Variants in ADAMTS12 observed in about 807,000 individuals in gnomAD.
ADAMTS12 encodes the protein ADAM metallopeptidase with thrombospondin type 1 motif 12.
Under a neutral mutation model 167.8 loss-of-function variants are expected in ADAMTS12, and 118 were observed. That is an observed-to-expected ratio of 0.70 (90% CI 0.61 to 0.82). The LOEUF (loss-of-function observed/expected upper bound fraction) is 0.82, where lower values mean the gene tolerates loss of function less well. Among genes scored for constraint, ADAMTS12 ranks in the 40% least tolerant of loss-of-function variants. The probability of loss-of-function intolerance (pLI) is 0.00; values close to 1 mark genes in which losing one functional copy is unlikely to be tolerated. For missense variants in ADAMTS12, 1,916 were observed against 1,998.8 expected (o/e 0.96, Z 0.79); for synonymous variants, 704 against 716.9 (o/e 0.98, Z 0.29).
At chr5:33,760,006 C>T (rs748250771) in intron 2 of ADAMTS12, among the ~76,000 whole-genome samples, 7 of 152,136 alleles carry the variant, frequency 4.6e-5, no homozygotes, top group African/African-American at 9.7e-5. Flanking sequence ...GTTAAAAATG[C>T]GTATGCCCAG....
At chr5:33,704,121 T>C (rs1743102059) in intron 3 of ADAMTS12, among the ~76,000 whole-genome samples, 1 of 152,234 alleles carries the variant, frequency 6.6e-6, no homozygotes, top group South Asian at 2.1e-4. Context: ...GAATGAGTTG[T>C]TGTTTGATCC....
chr5:33,879,122 TTAAAGCC>T (rs1306085457), intron 2 of ADAMTS12, among the ~76,000 whole-genome samples: 6 of 152,114 alleles, frequency 3.9e-5, no homozygotes, highest in Non-Finnish European at 7.4e-5. Flanking sequence ...CTGAACACAT[TTAAAGCC>T]ATTTAGCTGT....
At chr5:33,819,718 T>G (rs1269427778) in intron 2 of ADAMTS12, among the ~76,000 whole-genome samples, 1 of 152,136 alleles carries the variant, frequency 6.6e-6, no homozygotes, top group Non-Finnish European at 1.5e-5. Context: ...CAGAAGAATC[T>G]GAGATACCCA....
rs922038274 is a variant in ADAMTS12, at chr5:33,524,938, A to G, written c.*2250T>C. On this transcript the variant is annotated 3_prime_UTR_variant, in exon 24 of 24. Transcript: ENST00000504830. Reference sequence around the variant, plus strand: ...ACGTGGATTGTAAATAACGTGGTCCATTTTGTACACGGAGAAATTTGGCCT... The same window carrying G: ...ACGTGGATTGTAAATAACGTGGTCCGTTTTGTACACGGAGAAATTTGGCCT... 6.6e-6 allele frequency: 1 copy of G among 152,228 alleles called. No homozygotes were observed. The highest frequency in any genetic ancestry group is 2.4e-5 in the African/African-American group (1 of 41,472). The allele number at this position is 152,228 out of a possible 1,614,324, so 9.4% of individuals were successfully genotyped here. A position where few individuals can be genotyped will look rare whatever the true frequency, so the allele number is the denominator to read the frequency against.
chr5:33,773,052 C>A (rs1248714771), intron 2 of ADAMTS12, among the ~76,000 whole-genome samples: 3 of 152,208 alleles, frequency 2.0e-5, no homozygotes, highest in Admixed American at 6.5e-5. Flanking sequence ...TTGCAAACAA[C>A]CTGCATATGG....
chr5:33,585,137 A>G (rs1478036405), intron 18 of ADAMTS12, among the ~76,000 whole-genome samples: 1 of 152,150 alleles, frequency 6.6e-6, no homozygotes, highest in Non-Finnish European at 1.5e-5. Context: ...AAACCATTGG[A>G]GCCATGATTA....
At chr5:33,542,436 C>T (rs1256681977) in intron 22 of ADAMTS12, among the ~76,000 whole-genome samples, 3 of 152,074 alleles carry the variant, frequency 2.0e-5, no homozygotes, top group African/African-American at 7.2e-5. Flanking sequence ...ACCCCACTGT[C>T]AATATTAGAC....
intron 1 of ADAMTS12, among the ~76,000 whole-genome samples, chr5:33,888,520 T>G (rs1449711386): frequency 6.6e-6 from 1 of 152,208 alleles, no homozygotes; most frequent in African/African-American, 2.4e-5. Context: ...TGAAATCCTT[T>G]CCTCCTTGCA....
At chr5:33,556,845 G>T (rs1745508102) in intron 20 of ADAMTS12, among the ~76,000 whole-genome samples, 1 of 152,210 alleles carries the variant, frequency 6.6e-6, no homozygotes, top group Non-Finnish European at 1.5e-5. Context: ...GTGGGAGCCG[G>T]ACTAAGCAGC....
intron 3 of ADAMTS12, among the ~76,000 whole-genome samples, chr5:33,739,781 C>G (rs530760508): frequency 6.6e-6 from 1 of 152,060 alleles, no homozygotes; most frequent in African/African-American, 2.4e-5. Flanking sequence ...GCCTGTGCTC[C>G]GAAGTTTGTG....
chr5:33,864,101 C>T (rs1749722275), intron 2 of ADAMTS12, among the ~76,000 whole-genome samples: 1 of 151,952 alleles, frequency 6.6e-6, no homozygotes, highest in South Asian at 2.1e-4. Flanking sequence ...CCATAAAAAC[C>T]CTAGAAGAAA....
chr5:33,749,758 C>T lies in ADAMTS12; in HGVS notation c.634+1646G>A, dbSNP rs980840983. ...GTGTTGCATATGCCCTAATAGGGGG[C>T]CATGATAGTTGTAAACCCCACTCTT... On this transcript the variant is annotated intron_variant, in intron 3 of 23. Transcript: ENST00000504830. Among the ~76,000 whole-genome samples the T allele has an allele frequency of 3.3e-5, 5 of 152,170 alleles. No homozygotes were observed. The East Asian group carries it at 9.7e-4, about 29-fold the overall frequency.
intron 2 of ADAMTS12, among the ~76,000 whole-genome samples, chr5:33,804,086 C>T (rs1192874492): frequency 2.6e-5 from 4 of 152,138 alleles, no homozygotes; most frequent in African/African-American, 7.2e-5. Context: ...ACCTCATGGG[C>T]TATTATAAGG....
intron 1 of ADAMTS12, among the ~76,000 whole-genome samples, chr5:33,890,936 G>A (rs1750820162): frequency 1.3e-5 from 2 of 152,110 alleles, no homozygotes. Flanking sequence ...GTGCCACGCG[G>A]GCCATTGCTG....
At position 33,643,409 on chromosome 5, in the gene ADAMTS12, G is replaced by A; in HGVS notation, c.1541C>T (p.Ala514Val). 1 of 1,614,138 alleles carries A rather than the reference G, an allele frequency of 6.2e-7. No homozygotes were observed. Among genetic ancestry groups the A allele is most frequent in the South Asian group, 1.1e-5 (1 of 91,082 alleles). ...KGFCRSKLDAAADGTQCGEKK... is the reference protein window; with the variant it reads ...KGFCRSKLDAVADGTQCGEKK... Reference sequence around the variant, plus strand: ...CTCACCACATTGAGTTCCATCTGCAGCAGCGTCCAGCTTAGAGCGACAAAA... The same window carrying A: ...CTCACCACATTGAGTTCCATCTGCAACAGCGTCCAGCTTAGAGCGACAAAA... Residue 514 changes from alanine to valine, a missense_variant, in exon 10 of 24, where the codon GCT becomes GTT. Coordinates refer to ENST00000504830, the MANE Select transcript of ADAMTS12 (RefSeq NM_030955.4).
intron 2 of ADAMTS12, among the ~76,000 whole-genome samples, chr5:33,861,405 C>A (rs1019354669): frequency 6.6e-6 from 1 of 151,794 alleles, no homozygotes; most frequent in East Asian, 1.9e-4. Flanking sequence ...AGACTTTAAG[C>A]CAAAAAAGAT....
chr5:33,620,780 T>G (rs1403785705), intron 14 of ADAMTS12, among the ~76,000 whole-genome samples: 1 of 152,226 alleles, frequency 6.6e-6, no homozygotes, highest in East Asian at 1.9e-4. Flanking sequence ...ATTTTTCTGA[T>G]GTGTCTAGGC....
intron 2 of ADAMTS12, among the ~76,000 whole-genome samples, chr5:33,792,523 T>C (rs935608521): frequency 2.6e-5 from 4 of 152,154 alleles, no homozygotes; most frequent in Admixed American, 2.6e-4. Flanking sequence ...ATTATTGAAT[T>C]TGGTGGGCTT....
At position 33,561,065 on chromosome 5, in the gene ADAMTS12, G is replaced by A. The variant is rs371245056; in HGVS notation, c.4087C>T (p.Arg1363Cys). 97 of 1,614,038 alleles carry A rather than the reference G, an allele frequency of 6.0e-5. No individual in the cohort carries two copies. The highest frequency in any genetic ancestry group is 3.3e-4 in the Middle Eastern group (2 of 6,084). ...RPDPAKRCHL[R>C]PCAGWKVGNW... is the part of the protein sequence containing the mutation. ...CCCACTTTCCAGCCAGCACAGGGACGGAGGTGGCATCTTTTTGCAGGGTCA... is the reference window on the plus strand; with the variant it reads ...CCCACTTTCCAGCCAGCACAGGGACAGAGGTGGCATCTTTTTGCAGGGTCA... The change falls in exon 20 of 24, where the codon CGT becomes TGT. Residue 1363 changes from arginine (R) to cysteine (C), a missense_variant. By Grantham distance (180) the Arg-to-Cys change is radical. Transcript: ENST00000504830.
Sources: gnomAD v4.1 joint callset for allele counts (sites outside exome capture counted in the v4.1 genomes callset) on GRCh38, gnomAD v4.1.1 for gene constraint, MANE v1.5 for transcripts, NCBI Gene and HGNC (gene_info 2026-07-23, HGNC 2026-07-21) for gene names.